The following LIMCH1 variants were observed in gnomAD, a reference collection of about 807,000 sequenced individuals.
LIMCH1 encodes LIM and calponin homology domains-containing protein 1.
In LIMCH1, 113 loss-of-function variants were observed where a neutral mutation model predicts 176.5. The observed-to-expected ratio is 0.64, with a 90% CI of 0.55 to 0.75. The LOEUF is 0.75. Ranked by LOEUF, LIMCH1 falls within the 30% of genes least tolerant of loss-of-function variation. The pLI is 0.00. For synonymous variants in LIMCH1, 619 were observed against 645.9 expected, an observed-to-expected ratio of 0.96 and a Z score of 0.63; for missense variants, 1,674 against 1,814.9, an observed-to-expected ratio of 0.92 and a Z score of 1.41.
At chr4:41,593,687 G>A (rs907270058) in intron 1 of LIMCH1, among the ~76,000 whole-genome samples, 1 of 152,212 alleles carries the variant, frequency 6.6e-6, no homozygotes, top group African/African-American at 2.4e-5. Context: ...TCCACCCAAT[G>A]CCTGCTTTCA....
intron 19 of LIMCH1, among the ~76,000 whole-genome samples, chr4:41,662,558 C>T (rs78915095): frequency 0.12 from 18,106 of 152,098 alleles, 1,323 homozygotes; most frequent in Middle Eastern, 0.26. Flanking sequence ...AGATGTAAAC[C>T]GTGACCCTTA....
intron 1 of LIMCH1, among the ~76,000 whole-genome samples, chr4:41,366,804 A>G (rs566177560): frequency 1.3e-5 from 2 of 152,354 alleles, no homozygotes; most frequent in African/African-American, 4.8e-5. Flanking sequence ...ACACTTCCAA[A>G]GAGATGCCCA....
intron 1 of LIMCH1, among the ~76,000 whole-genome samples, chr4:41,598,412 T>C (rs1359611953): frequency 6.6e-6 from 1 of 152,092 alleles, no homozygotes; most frequent in Non-Finnish European, 1.5e-5. Context: ...ACTCAGTGTA[T>C]AATCCACAAA....
chr4:41,609,540 G>A, intron 4 of LIMCH1: 1 of 421,810 alleles, frequency 2.4e-6, no homozygotes, highest in Non-Finnish European at 4.8e-6. Flanking sequence ...ATCACAAAGG[G>A]AGCAGAAAAT....
chr4:41,407,025 A>G (rs1330831960), intron 1 of LIMCH1, among the ~76,000 whole-genome samples: 2 of 152,124 alleles, frequency 1.3e-5, no homozygotes, highest in African/African-American at 4.8e-5. Flanking sequence ...GGGTCTTCCA[A>G]GGATCTAATA....
At chr4:41,614,341 C>T (rs184420340) in intron 5 of LIMCH1, among the ~76,000 whole-genome samples, 22 of 152,260 alleles carry the variant, frequency 1.4e-4, no homozygotes, top group Non-Finnish European at 2.5e-4. Context: ...TTGATATACA[C>T]GTAATGCCTA....
chr4:41,620,129 A>T, intron 6 of LIMCH1: 1 of 348,524 alleles, frequency 2.9e-6, no homozygotes, highest in Non-Finnish European at 5.2e-6. Flanking sequence ...CATTGAATAA[A>T]GATGTTATTA....
intron 1 of LIMCH1, among the ~76,000 whole-genome samples, chr4:41,557,585 G>C (rs1265147978): frequency 2.4e-5 from 3 of 127,140 alleles, no homozygotes; most frequent in African/African-American, 1.1e-4. Flanking sequence ...TAATTAGAAT[G>C]ATGAGGAGAA....
rs1424299654 is a variant in LIMCH1 at position 41,443,248 on chromosome 4, G to A, written c.97-51288G>A. ...AGACGGAGTCTCGCTCTGTCGCCCA[G>A]GCCGGACTGCGGACTGCAGTGGCGC... On this transcript the variant is annotated intron_variant, in intron 1 of 26. Transcript: ENST00000313860. Among the ~76,000 whole-genome samples the A allele has an allele frequency of 1.7e-4, 9 of 52,180 alleles. No homozygotes were observed. In the Admixed American group the frequency reaches 2.0e-3, roughly 12 times the overall value. The allele number at this position is 52,180 out of a possible 152,430, so 34.2% of individuals were successfully genotyped here. A position where few individuals can be genotyped will look rare whatever the true frequency, so the allele number is the denominator to read the frequency against.
intron 22 of LIMCH1, among the ~76,000 whole-genome samples, chr4:41,672,236 G>T (rs2095067051): frequency 6.6e-6 from 1 of 152,084 alleles, no homozygotes; most frequent in Admixed American, 6.6e-5. Context: ...TGGGTGTGCT[G>T]GCGGGCACCT....
intron 31 of LIMCH1, chr4:41,693,312 C>T (rs1727819727): frequency 6.6e-6 from 1 of 152,194 alleles, no homozygotes; most frequent in South Asian, 2.1e-4. Flanking sequence ...TCTCAAATCT[C>T]TGCAAGACTG....
intron 21 of LIMCH1, among the ~76,000 whole-genome samples, chr4:41,670,181 G>A (rs1046159890): frequency 6.6e-6 from 1 of 152,032 alleles, no homozygotes; most frequent in Non-Finnish European, 1.5e-5. Context: ...TGAAAATGAC[G>A]ACAACAGCAG....
intron 1 of LIMCH1, among the ~76,000 whole-genome samples, chr4:41,565,386 C>CACAT (rs1554102449): frequency 7.2e-6 from 1 of 139,634 alleles, no homozygotes; most frequent in African/African-American, 2.7e-5. Flanking sequence ...CACACACATA[C>CACAT]ACACACACAC....
intron 3 of LIMCH1, among the ~76,000 whole-genome samples, chr4:41,526,251 C>T (rs2076639846): frequency 7.1e-6 from 1 of 140,878 alleles, no homozygotes; most frequent in Non-Finnish European, 1.5e-5. Flanking sequence ...TCACTTTGTC[C>T]TTGCTATCGC....
At chr4:41,527,358 T>C (rs958662389) in intron 3 of LIMCH1, among the ~76,000 whole-genome samples, 2 of 152,202 alleles carry the variant, frequency 1.3e-5, no homozygotes, top group African/African-American at 4.8e-5. Context: ...TGTCTTTAAG[T>C]AGTTGGCCAT....
intron 26 of LIMCH1, among the ~76,000 whole-genome samples, chr4:41,683,669 A>G (rs995338394): frequency 1.3e-5 from 2 of 152,198 alleles, no homozygotes; most frequent in Admixed American, 6.5e-5. Context: ...GAATTCTCCT[A>G]TGCTCATCAG....
intron 18 of LIMCH1, among the ~76,000 whole-genome samples, chr4:41,657,800 G>A (rs545130268): frequency 1.3e-5 from 2 of 152,176 alleles, no homozygotes; most frequent in African/African-American, 4.8e-5. Context: ...CTCAGAACGT[G>A]GACTGAACAG....
chr4:41,652,197 T>C (rs554690862), intron 18 of LIMCH1, among the ~76,000 whole-genome samples: 1 of 152,288 alleles, frequency 6.6e-6, no homozygotes, highest in African/African-American at 2.4e-5. Context: ...CCTAGAAGGC[T>C]GGATATCATT....
rs149169453 is a variant in LIMCH1, at chr4:41,662,865, G to A, written c.3172G>A (p.Val1058Met). 4.5e-4 allele frequency: 729 copies of A among 1,614,048 alleles called. 3 individuals are homozygous for A. The African/African-American group carries it at 7.4e-3, about 16-fold the overall frequency. The stretch of plus-strand genomic sequence containing the variant: ...AACTGTGACTCGATGCAGCCCGACC[G>A]TGGCCTTTGTGGAATTTCCCTCCAG... The part of the protein sequence containing the change: ...TTTVTRCSPT[V>M]AFVEFPSSPQ... The change falls in exon 20 of 32, where the codon GTG becomes ATG. Residue 1058 changes from valine to methionine, a missense_variant. Coordinates refer to ENST00000503057, the MANE Select transcript of LIMCH1 (RefSeq NM_001330672.2).
Sources: gnomAD v4.1 joint callset for allele counts (sites outside exome capture counted in the v4.1 genomes callset) on GRCh38, gnomAD v4.1.1 for gene constraint, MANE v1.5 for transcripts, NCBI Gene and HGNC (gene_info 2026-07-23, HGNC 2026-07-21) for gene names.